Variants in DOCK2 observed in about 807,000 individuals in gnomAD.
DOCK2 encodes dedicator of cytokinesis 2.
Under a neutral mutation model 248.9 loss-of-function variants are expected in DOCK2, and 87 were observed. That is an observed-to-expected ratio of 0.35 (90% CI 0.29 to 0.42). The LOEUF is 0.42. DOCK2 is among the 10% of genes least tolerant of loss of function. DOCK2 has a pLI of 1.00. For missense variants in DOCK2, 1,747 were observed against 2,300.2 expected (o/e 0.76, Z 4.92); for synonymous variants, 805 against 821.6 (o/e 0.98, Z 0.35).
At chr5:170,003,724 G>A (rs1754920668) in intron 30 of DOCK2, among the ~76,000 whole-genome samples, 1 of 152,230 alleles carries the variant, frequency 6.6e-6, no homozygotes, top group Admixed American at 6.5e-5. Context: ...GAAATTGTAT[G>A]AGACTTTAAA....
At chr5:169,870,034 A>G (rs1771853721) in intron 27 of DOCK2, among the ~76,000 whole-genome samples, 1 of 152,102 alleles carries the variant, frequency 6.6e-6, no homozygotes, top group African/African-American at 2.4e-5. Context: ...AGCCCTTGAG[A>G]TAGTCCAGGG....
chr5:170,014,075 A>G (rs1400515711), intron 32 of DOCK2, among the ~76,000 whole-genome samples: 1 of 152,192 alleles, frequency 6.6e-6, no homozygotes, highest in African/African-American at 2.4e-5. Context: ...AAGGAGGACT[A>G]TGTCAGGGCT....
At chr5:169,723,397 A>G (rs1250142311) in intron 22 of DOCK2, among the ~76,000 whole-genome samples, 1 of 152,224 alleles carries the variant, frequency 6.6e-6, no homozygotes, top group Non-Finnish European at 1.5e-5. Flanking sequence ...TAACACGGTC[A>G]TAATAGTACC....
chr5:170,054,479 A>C (rs1295178824), intron 41 of DOCK2, among the ~76,000 whole-genome samples: 1 of 152,240 alleles, frequency 6.6e-6, no homozygotes, highest in Non-Finnish European at 1.5e-5. Flanking sequence ...TCTGACCCAC[A>C]TAGTGCTTTT....
intron 27 of DOCK2, among the ~76,000 whole-genome samples, chr5:169,981,792 G>C (rs1777944576): frequency 6.6e-6 from 1 of 152,032 alleles, no homozygotes. Context: ...TTTAAATTAA[G>C]GTTTATGTTC....
intron 27 of DOCK2, among the ~76,000 whole-genome samples, chr5:169,847,859 T>C (rs1289482987): frequency 6.6e-6 from 1 of 152,230 alleles, no homozygotes; most frequent in Admixed American, 6.5e-5. Flanking sequence ...TGCAAGATAC[T>C]TGCAAATATT....
intron 27 of DOCK2, among the ~76,000 whole-genome samples, chr5:169,953,034 GA>G (rs1233292894): frequency 2.6e-5 from 4 of 152,210 alleles, no homozygotes; most frequent in African/African-American, 9.6e-5. Context: ...AATTAAAAGA[GA>G]ATTTGGGGCC....
chr5:169,993,549 T>TTGTGTGTGTGTGTGTGTGTGTG lies in DOCK2; in HGVS notation c.2994-2531_2994-2510dup, dbSNP rs10626609. 1.2e-4 allele frequency among the ~76,000 whole-genome samples: 18 copies of TTGTGTGTGTGTGTGTGTGTGTG among 149,480 alleles called. 1 individual carries two copies. The highest frequency in any genetic ancestry group is 3.5e-4 in the African/African-American group (14 of 40,574). On this transcript the variant is annotated intron_variant, in intron 29 of 51. Coordinates refer to ENST00000520908, the MANE Select transcript of DOCK2 (RefSeq NM_004946.3). ...TAACAAAGCCAGAAATCACATCCAT[T>TTGTGTGTGTGTGTGTGTGTGTG]TGTGTGTGTGTGTGTGTGTGTGTGT...
rs116442274 is a variant in DOCK2 at position 170,058,124 on chromosome 5, C to T, written c.4467+458C>T. Reference sequence around the variant, plus strand: ...TGGCTAGAATCCAAATGTTTGATCTCCCTTGTGCAGATAACACCTATTTTG... The same window carrying T: ...TGGCTAGAATCCAAATGTTTGATCTTCCTTGTGCAGATAACACCTATTTTG... On this transcript the variant is annotated intron_variant, in intron 44 of 51. Transcript: ENST00000520908. Among the ~76,000 whole-genome samples the T allele has an allele frequency of 4.1e-3, 620 of 152,268 alleles. 4 individuals are homozygous for T. Among genetic ancestry groups the T allele is most frequent in the African/African-American group, 0.014 (582 of 41,552 alleles).
At chr5:169,705,714 GA>G (rs770409468) in intron 14 of DOCK2, among the ~76,000 whole-genome samples, 3 of 152,220 alleles carry the variant, frequency 2.0e-5, no homozygotes, top group Non-Finnish European at 4.4e-5. Flanking sequence ...GTGGTCTTGT[GA>G]GAGGAGAACA....
At chr5:170,050,756 G>A (rs1756885607) in intron 41 of DOCK2, among the ~76,000 whole-genome samples, 1 of 152,142 alleles carries the variant, frequency 6.6e-6, no homozygotes. Context: ...GCCTGGTACA[G>A]AGTGACTCCC....
chr5:169,964,645 T>A (rs1271395285), intron 27 of DOCK2, among the ~76,000 whole-genome samples: 1 of 152,224 alleles, frequency 6.6e-6, no homozygotes, highest in Non-Finnish European at 1.5e-5. Flanking sequence ...AGTCAGCCCT[T>A]CTGCCTCATC....
intron 27 of DOCK2, among the ~76,000 whole-genome samples, chr5:169,929,881 T>C (rs188081368): frequency 1.8e-3 from 274 of 152,266 alleles, no homozygotes; most frequent in African/African-American, 6.3e-3. Flanking sequence ...TGCTCCAATA[T>C]GGTAGCCACT....
chr5:169,864,468 C>A, intron 27 of DOCK2: 1 of 1,517,644 alleles, frequency 6.6e-7, no homozygotes, highest in Non-Finnish European at 8.8e-7. Context: ...CACTGAAAAA[C>A]ACAGAGAGGA....
chr5:169,945,182 G>C (rs1032164216), intron 27 of DOCK2, among the ~76,000 whole-genome samples: 2 of 152,232 alleles, frequency 1.3e-5, no homozygotes, highest in Admixed American at 6.5e-5. Flanking sequence ...AAGCAGACAG[G>C]CTGGTTGTGC....
intron 1 of DOCK2, among the ~76,000 whole-genome samples, chr5:169,651,521 A>AC (rs1333141533): frequency 1.3e-5 from 2 of 152,104 alleles, no homozygotes; most frequent in South Asian, 2.1e-4. Context: ...TCTGATGGAC[A>AC]CCCCTGATTT....
At chr5:169,845,578 C>A (rs896981034) in intron 27 of DOCK2, among the ~76,000 whole-genome samples, 7 of 152,176 alleles carry the variant, frequency 4.6e-5, no homozygotes, top group African/African-American at 1.4e-4. Flanking sequence ...CCTTCATATT[C>A]TTGAATGTGC....
chr5:169,976,815 G>A (rs7705027), intron 27 of DOCK2, among the ~76,000 whole-genome samples: 44,232 of 152,094 alleles, frequency 0.29, 7,305 homozygotes, highest in Middle Eastern at 0.39. Context: ...GGCTGACTCT[G>A]CCGGAGTTGC....
At chr5:169,814,467 C>A (rs529688191) in intron 26 of DOCK2, among the ~76,000 whole-genome samples, 1 of 152,264 alleles carries the variant, frequency 6.6e-6, no homozygotes, top group South Asian at 2.1e-4. Context: ...TGAATTGAAT[C>A]ATGGACGAGA....
Sources: allele counts gnomAD v4.1 joint callset (sites outside exome capture counted in the v4.1 genomes callset), GRCh38; gene constraint gnomAD v4.1.1; transcripts MANE v1.5; gene names NCBI Gene and HGNC (gene_info 2026-07-23, HGNC 2026-07-21).